APBA2: variants seen among roughly 807,000 people sequenced by gnomAD.
The protein encoded by APBA2 is amyloid beta precursor protein binding family A member 2, also known as amyloid-beta A4 precursor protein-binding family A member 2.
A neutral mutation model predicts 75.0 loss-of-function variants in APBA2; 30 were observed. That is an observed-to-expected ratio of 0.40 (90% CI 0.30 to 0.54). The LOEUF is 0.54. Among genes scored for constraint, APBA2 ranks in the 20% least tolerant of loss-of-function variants. The probability of loss-of-function intolerance (pLI) is 0.49; values close to 1 mark genes in which losing one functional copy is unlikely to be tolerated. For missense variants in APBA2, 801 were observed against 1,016.1 expected, an observed-to-expected ratio of 0.79 and a Z score of 2.88; for synonymous variants, 444 against 409.6, an observed-to-expected ratio of 1.08 and a Z score of -1.01.
At chr15:29,114,597 G>C (rs1227251480) in intron 14 of APBA2, among the ~76,000 whole-genome samples, 1 of 151,958 alleles carries the variant, frequency 6.6e-6, no homozygotes, top group Non-Finnish European at 1.5e-5. Flanking sequence ...TGTGTGTAGT[G>C]TGAGCGAGTG....
chr15:29,104,358 A>C (rs1228899688), intron 10 of APBA2, among the ~76,000 whole-genome samples: 1 of 152,224 alleles, frequency 6.6e-6, no homozygotes, highest in African/African-American at 2.4e-5. Context: ...AAGGCCGCCA[A>C]GAGCCCCGCC....
At chr15:28,954,007 T>A (rs947473705) in intron 2 of APBA2, among the ~76,000 whole-genome samples, 14 of 152,146 alleles carry the variant, frequency 9.2e-5, no homozygotes, top group African/African-American at 3.4e-4. Context: ...GGCACCAAGC[T>A]GTCCCTGGCC....
At chr15:29,069,828 C>T (rs1020040340) in intron 4 of APBA2, among the ~76,000 whole-genome samples, 1 of 152,260 alleles carries the variant, frequency 6.6e-6, no homozygotes, top group Admixed American at 6.5e-5. Flanking sequence ...CTTGACAAAG[C>T]CTCAAAATGC....
At chr15:28,951,321 C>T (rs2035860019) in intron 2 of APBA2, among the ~76,000 whole-genome samples, 1 of 152,176 alleles carries the variant, frequency 6.6e-6, no homozygotes. Context: ...CAATCCCTTA[C>T]AGATACCCAA....
At chr15:28,893,020 C>G (rs1322241056) in intron 1 of APBA2, among the ~76,000 whole-genome samples, 4 of 152,200 alleles carry the variant, frequency 2.6e-5, no homozygotes, top group African/African-American at 9.7e-5. Flanking sequence ...GAGCCATGTG[C>G]TCTAGCATCT....
At chr15:28,913,955 G>A (rs1275956836) in intron 1 of APBA2, among the ~76,000 whole-genome samples, 2 of 152,100 alleles carry the variant, frequency 1.3e-5, no homozygotes, top group Admixed American at 6.6e-5. Context: ...GTACACTCAC[G>A]CACACCCCTC....
intron 2 of APBA2, among the ~76,000 whole-genome samples, chr15:28,970,912 A>G (rs1364484263): frequency 6.6e-6 from 1 of 152,162 alleles, no homozygotes; most frequent in African/African-American, 2.4e-5. Flanking sequence ...GTGTGTGCAC[A>G]CAGACACCAC....
intron 2 of APBA2, among the ~76,000 whole-genome samples, chr15:28,944,064 T>TGGCCCACTCTC (rs1566825891): frequency 6.6e-6 from 1 of 151,904 alleles, no homozygotes; most frequent in African/African-American, 2.4e-5. Flanking sequence ...GGCCTACTCT[T>TGGCCCACTCTC]CACCCTGGCC....
chr15:29,092,395 G>A (rs937169873), intron 6 of APBA2, among the ~76,000 whole-genome samples: 4 of 152,122 alleles, frequency 2.6e-5, no homozygotes, highest in Non-Finnish European at 5.9e-5. Context: ...TTACATACAA[G>A]AAATGGGTCC....
chr15:29,094,227 C>CGG, intron 7 of APBA2, 51 bp from the exon 8 acceptor site: 4 of 1,582,836 alleles, frequency 2.5e-6, no homozygotes, highest in East Asian at 2.2e-5. Context: ...CCTCACGCAC[C>CGG]TTCCTTCTCT....
intron 2 of APBA2, among the ~76,000 whole-genome samples, chr15:28,988,268 C>CTT (rs1450368077): frequency 7.1e-6 from 1 of 140,190 alleles, no homozygotes; most frequent in African/African-American, 2.6e-5. Flanking sequence ...TGTAGTGTGC[C>CTT]TTTTTTTTTT....
chr15:29,085,290 C>T lies in APBA2; in HGVS notation c.1070-7785C>T, dbSNP rs375497732. ...CCTGTAATCCCAGCACTTTGGGAGG[C>T]TAAGACGGGTGGATCACAAGGTCAG... On this transcript the variant is annotated intron_variant, in intron 6 of 14. Transcript: ENST00000683413. 6.6e-5 allele frequency among the ~76,000 whole-genome samples: 10 copies of T among 152,034 alleles called. No individual in the cohort carries two copies. The East Asian group carries it at 7.7e-4, about 12-fold the overall frequency.
intron 2 of APBA2, among the ~76,000 whole-genome samples, chr15:28,972,366 C>T (rs1425723609): frequency 6.6e-6 from 1 of 152,186 alleles, no homozygotes; most frequent in East Asian, 1.9e-4. Flanking sequence ...TAGTCCACTG[C>T]CATTCCGGGA....
At chr15:29,073,541 A>G (rs1595894964) in intron 4 of APBA2, among the ~76,000 whole-genome samples, 3 of 152,258 alleles carry the variant, frequency 2.0e-5, no homozygotes, top group South Asian at 4.1e-4. Flanking sequence ...TAGTAGAGAC[A>G]GGGTTTCACC....
chr15:29,029,967 G>A (rs1461610462), intron 3 of APBA2, among the ~76,000 whole-genome samples: 1 of 152,186 alleles, frequency 6.6e-6, no homozygotes, highest in Non-Finnish European at 1.5e-5. Flanking sequence ...GCTACATGGG[G>A]TTTGTCGAGG....
At chr15:28,906,426 T>G (rs536934075) in intron 1 of APBA2, among the ~76,000 whole-genome samples, 1 of 152,354 alleles carries the variant, frequency 6.6e-6, no homozygotes, top group South Asian at 2.1e-4. Context: ...TTTTTCTCAC[T>G]TATGGAAAAT....
At chr15:28,997,676 C>T (rs375839889) in intron 3 of APBA2, among the ~76,000 whole-genome samples, 1 of 152,134 alleles carries the variant, frequency 6.6e-6, no homozygotes, top group Non-Finnish European at 1.5e-5. Context: ...CCTTATGGAA[C>T]CTGGGGTGTC....
At chr15:28,933,336 TCCACCATG>T (rs72387803) in intron 2 of APBA2, among the ~76,000 whole-genome samples, 7,911 of 152,036 alleles carry the variant, frequency 0.052, 530 homozygotes, top group East Asian at 0.34. Flanking sequence ...CCTCCCGCCC[TCCACCATG>T]TGAGGACAGA....
intron 3 of APBA2, among the ~76,000 whole-genome samples, chr15:29,025,567 T>C (rs12437825): frequency 0.37 from 56,134 of 151,800 alleles, 17,124 homozygotes; most frequent in African/African-American, 0.81. Flanking sequence ...GCACTGCGCC[T>C]GGCCAAGACT....
Sources: allele counts gnomAD v4.1 joint callset (sites outside exome capture counted in the v4.1 genomes callset), GRCh38; gene constraint gnomAD v4.1.1; transcripts MANE v1.5; gene names NCBI Gene and HGNC (gene_info 2026-07-23, HGNC 2026-07-21).